Variants in TIAM1 observed in about 807,000 individuals in gnomAD.
TIAM1 encodes the protein TIAM Rac1 associated GEF 1, also known as rho guanine nucleotide exchange factor TIAM1.
TIAM1 carries 65 observed loss-of-function variants against 163.5 expected under a neutral mutation model. The ratio of observed to expected loss-of-function variants is 0.40; its 90% CI spans 0.33 to 0.49. The LOEUF (loss-of-function observed/expected upper bound fraction) is 0.49, where lower values mean the gene tolerates loss of function less well. Among genes scored for constraint, TIAM1 ranks in the 20% least tolerant of loss-of-function variants. TIAM1 has a pLI of 0.77. For synonymous variants in TIAM1, 833 were observed against 810.1 expected, an observed-to-expected ratio of 1.03 and a Z score of -0.48; for missense variants, 1,789 against 2,044.7, an observed-to-expected ratio of 0.87 and a Z score of 2.41.
chr21:31,465,313 G>A (rs1245626977), intron 1 of TIAM1, among the ~76,000 whole-genome samples: 1 of 151,284 alleles, frequency 6.6e-6, no homozygotes, highest in African/African-American at 2.4e-5. Flanking sequence ...CTGTAGTCTT[G>A]AACTCCAAAG....
At chr21:31,264,207 T>A (rs1046363907) in intron 4 of TIAM1, among the ~76,000 whole-genome samples, 22 of 152,146 alleles carry the variant, frequency 1.4e-4, no homozygotes, top group African/African-American at 5.1e-4. Context: ...AGATTTGGGC[T>A]TCTATTGAAC....
intron 2 of TIAM1, among the ~76,000 whole-genome samples, chr21:31,317,135 CA>C (rs1569210719): frequency 6.6e-6 from 1 of 152,216 alleles, no homozygotes; most frequent in African/African-American, 2.4e-5. Context: ...TCCATCTTCT[CA>C]ATTTCAAGTG....
rs550365305 is a variant in TIAM1 at position 31,351,963 on chromosome 21, G to A, written c.-368-12541C>T. Among the ~76,000 whole-genome samples the A allele has an allele frequency of 4.8e-3, 735 of 152,058 alleles. 5 individuals carry two copies. The highest frequency in any genetic ancestry group is 0.011 in the South Asian group (53 of 4,798). The stretch of plus-strand genomic sequence containing the variant: ...TGTGCCTGTACTCCCAGCTACTTAG[G>A]AGGCTGAGGCAGGAGAATCGCTTGA... On this transcript the variant is annotated intron_variant, in intron 2 of 28. Transcript: ENST00000286827.
At chr21:31,193,599 A>G (rs2085674163) in intron 13 of TIAM1, among the ~76,000 whole-genome samples, 1 of 152,038 alleles carries the variant, frequency 6.6e-6, no homozygotes, top group Non-Finnish European at 1.5e-5. Flanking sequence ...CCCTTTGCTG[A>G]TTTTGCTTTG....
chr21:31,223,469 A>G lies in TIAM1; in HGVS notation c.1932T>C (p.Ser644=). The G allele has an allele frequency of 1.2e-6, 2 of 1,614,034 alleles. No individual in the cohort carries two copies. The highest frequency in any genetic ancestry group is 1.7e-6 in the Non-Finnish European group (2 of 1,179,950). Residue 644 remains serine, a synonymous_variant, in exon 8 of 28, where the codon AGT becomes AGC. Coordinates refer to ENST00000541036, the MANE Select transcript of TIAM1 (RefSeq NM_001353694.2). ...GGCCCATGGCCACTTTCGTTGGTCGACTTGCAAAAGCGAGAAGCCTTTTGG... is the reference window on the plus strand; with the variant it reads ...GGCCCATGGCCACTTTCGTTGGTCGGCTTGCAAAAGCGAGAAGCCTTTTGG... ...PNPKRLLAFA[S]RPTKVAMGRL...
At chr21:31,156,097 T>A (rs2077663447) in intron 16 of TIAM1, among the ~76,000 whole-genome samples, 1 of 152,140 alleles carries the variant, frequency 6.6e-6, no homozygotes. Context: ...CTGAAGAGCC[T>A]TTCCCTCATT....
At chr21:31,262,068 C>T (rs533445047) in intron 4 of TIAM1, among the ~76,000 whole-genome samples, 16 of 152,294 alleles carry the variant, frequency 1.1e-4, no homozygotes, top group African/African-American at 3.4e-4. Flanking sequence ...TCCAACTCAC[C>T]CACTGAAAGT....
At chr21:31,135,242 T>A (rs990519671) in intron 23 of TIAM1, among the ~76,000 whole-genome samples, 2 of 152,224 alleles carry the variant, frequency 1.3e-5, no homozygotes, top group African/African-American at 4.8e-5. Flanking sequence ...CAACAAGCTA[T>A]GTTTCCTAAA....
chr21:31,528,532 C>T (rs2047859952), intron 1 of TIAM1, among the ~76,000 whole-genome samples: 2 of 151,518 alleles, frequency 1.3e-5, no homozygotes, highest in South Asian at 2.1e-4. Flanking sequence ...AGGCAGGTCA[C>T]GGTGGCTCAC....
chr21:31,505,100 G>A (rs2046981609), intron 1 of TIAM1, among the ~76,000 whole-genome samples: 1 of 152,172 alleles, frequency 6.6e-6, no homozygotes, highest in Admixed American at 6.5e-5. Flanking sequence ...GCCTAAAGCA[G>A]CATCCCATGG....
chr21:31,362,793 T>C (rs1178112208), intron 2 of TIAM1, among the ~76,000 whole-genome samples: 1 of 152,060 alleles, frequency 6.6e-6, no homozygotes, highest in East Asian at 1.9e-4. Context: ...GCAATGCTAG[T>C]CCATCACCCC....
At chr21:31,251,709 T>C (rs2071814002) in intron 5 of TIAM1, 33 bp downstream of exon 5, 2 of 1,544,274 alleles carry the variant, frequency 1.3e-6, no homozygotes, top group Non-Finnish European at 1.8e-6. Flanking sequence ...TATTGGTGCA[T>C]TTGGCACATA....
intron 13 of TIAM1, among the ~76,000 whole-genome samples, chr21:31,188,198 G>A (rs990386601): frequency 1.3e-5 from 2 of 152,138 alleles, no homozygotes; most frequent in Non-Finnish European, 2.9e-5. Context: ...TAGGCAAAAA[G>A]GCTAATTGCC....
chr21:31,152,845 A>C, intron 18 of TIAM1, 84 bp from the exon 19 acceptor site: 1 of 1,506,202 alleles, frequency 6.6e-7, no homozygotes, highest in African/African-American at 1.4e-5. Context: ...AGGTTTTTCT[A>C]TCAATTCTTA....
rs748405537 is a variant in TIAM1, at chr21:31,267,000, G to A, written c.-11-17C>T. 2.5e-6 allele frequency: 4 copies of A among 1,572,156 alleles called. No individual in the cohort carries two copies. Among genetic ancestry groups the A allele is most frequent in the East Asian group, 2.3e-5 (1 of 44,400 alleles). Reference sequence around the variant, plus strand: ...TTTTATGGTCTGCAGCAAAGCGGGGGGAAAGGGGAGAATTGAGTCACTATT... The same window carrying A: ...TTTTATGGTCTGCAGCAAAGCGGGGAGAAAGGGGAGAATTGAGTCACTATT... On this transcript the variant is annotated splice_polypyrimidine_tract_variant and intron_variant, in intron 3 of 27. Transcript: ENST00000541036.
chr21:31,276,533 T>C (rs1258759629), intron 3 of TIAM1, among the ~76,000 whole-genome samples, 199 bp downstream of exon 3: 1 of 152,208 alleles, frequency 6.6e-6, no homozygotes. Flanking sequence ...ACCTACTTTG[T>C]CTTTTCTGTT....
At chr21:31,308,465 TTTATA>T (rs1259792418) in intron 2 of TIAM1, among the ~76,000 whole-genome samples, 4 of 150,704 alleles carry the variant, frequency 2.7e-5, no homozygotes, top group African/African-American at 9.7e-5. Context: ...TAATATATGG[TTTATA>T]TTATATATTA....
intron 1 of TIAM1, among the ~76,000 whole-genome samples, chr21:31,488,581 C>T (rs1210746204): frequency 6.6e-6 from 1 of 152,168 alleles, no homozygotes; most frequent in African/African-American, 2.4e-5. Flanking sequence ...GCCTCACTAT[C>T]ACAGCGGAAG....
chr21:31,427,587 C>A (rs2043840829), intron 2 of TIAM1, among the ~76,000 whole-genome samples: 1 of 151,932 alleles, frequency 6.6e-6, no homozygotes, highest in African/African-American at 2.4e-5. Context: ...TGCCTATAAG[C>A]CCAGTATTTT....
Sources: allele counts gnomAD v4.1 joint callset (sites outside exome capture counted in the v4.1 genomes callset), GRCh38; gene constraint gnomAD v4.1.1; transcripts MANE v1.5; gene names NCBI Gene and HGNC (gene_info 2026-07-23, HGNC 2026-07-21).